Variants in RAB38 observed in about 807,000 individuals in gnomAD.
The protein encoded by RAB38 is RAB38, member RAS oncogene family.
RAB38 carries 15 observed loss-of-function variants against 18.4 expected under a neutral mutation model. The ratio of observed to expected loss-of-function variants is 0.82; its 90% CI spans 0.55 to 1.26. RAB38 has a LOEUF of 1.26. Among genes scored for constraint, RAB38 ranks in the 50% most tolerant of loss-of-function variants. The pLI, the probability that RAB38 is intolerant of heterozygous loss-of-function variation, is 0.00. For synonymous variants in RAB38, 101 were observed against 104.4 expected (o/e 0.97, Z 0.20); for missense variants, 294 against 267.4 (o/e 1.10, Z -0.69).
chr11:87,837,356 A>AT, the RAB38 span, among the ~76,000 whole-genome samples: 1 of 152,282 alleles, frequency 6.6e-6, no homozygotes, highest in African/African-American at 2.4e-5. Context: ...TACCTAATGC[A>AT]TTTTTTTAAA....
the RAB38 span, among the ~76,000 whole-genome samples, chr11:87,878,054 G>A: frequency 6.6e-6 from 1 of 150,650 alleles, no homozygotes; most frequent in East Asian, 2.0e-4. Flanking sequence ...GAGCCAGAGA[G>A]AATTTAAATT....
downstream of RAB38, among the ~76,000 whole-genome samples, chr11:88,108,460 G>GT (rs558872851): frequency 7.6e-4 from 115 of 151,914 alleles, no homozygotes; most frequent in Admixed American, 1.2e-3. Flanking sequence ...GTTTTTGTTT[G>GT]TTTTTTTGTT....
the RAB38 span, among the ~76,000 whole-genome samples, chr11:88,017,079 G>A: frequency 6.6e-6 from 1 of 151,944 alleles, no homozygotes; most frequent in African/African-American, 2.4e-5. Flanking sequence ...GCTTAACTTC[G>A]AATTTGAAGG....
At chr11:88,093,736 C>A in the RAB38 span, among the ~76,000 whole-genome samples, 2 of 151,886 alleles carry the variant, frequency 1.3e-5, no homozygotes, top group African/African-American at 4.8e-5. Context: ...AAAGCACACC[C>A]TTATGATGGC....
At chr11:88,110,548 G>A (rs1242305648), downstream of RAB38, among the ~76,000 whole-genome samples, 1 of 152,092 alleles carries the variant, frequency 6.6e-6, no homozygotes, top group Non-Finnish European at 1.5e-5. Flanking sequence ...GCCAGGCGTG[G>A]TGGCTCACTT....
At chr11:88,094,624 C>A in the RAB38 span, among the ~76,000 whole-genome samples, 1 of 151,776 alleles carries the variant, frequency 6.6e-6, no homozygotes, top group Non-Finnish European at 1.5e-5. Flanking sequence ...TATCCCTTAC[C>A]CCTCTTTCCC....
the RAB38 span, among the ~76,000 whole-genome samples, chr11:88,021,792 T>C: frequency 6.9e-6 from 1 of 144,406 alleles, no homozygotes. Context: ...CTGCTGAGGT[T>C]GCAGCGAGCT....
chr11:88,151,096 G>T (rs553418884), intron 1 of RAB38, among the ~76,000 whole-genome samples: 1 of 152,270 alleles, frequency 6.6e-6, no homozygotes, highest in East Asian at 1.9e-4. Context: ...AATCAATTTT[G>T]CTCTGATGCT....
the RAB38 span, chr11:87,880,207 G>T: frequency 1.3e-5 from 2 of 151,698 alleles, no homozygotes; most frequent in African/African-American, 4.8e-5. Context: ...AATGCCATGT[G>T]TTCACCAAAC....
At chr11:88,169,201 A>C (rs1943279983) in intron 1 of RAB38, among the ~76,000 whole-genome samples, 1 of 152,328 alleles carries the variant, frequency 6.6e-6, no homozygotes, top group East Asian at 1.9e-4. Flanking sequence ...TTCAAGCCTA[A>C]GTAACTGGGG....
the RAB38 span, among the ~76,000 whole-genome samples, chr11:87,936,231 G>T: frequency 6.6e-6 from 1 of 151,782 alleles, no homozygotes; most frequent in African/African-American, 2.4e-5. Context: ...AGACTTACAA[G>T]ATTTTTTCTT....
At chr11:88,139,964 C>T (rs1218244060) in intron 2 of RAB38, among the ~76,000 whole-genome samples, 1 of 152,144 alleles carries the variant, frequency 6.6e-6, no homozygotes, top group Non-Finnish European at 1.5e-5. Context: ...AGCTAAAACT[C>T]AAATGAGAGA....
chr11:88,090,072 G>A, the RAB38 span, among the ~76,000 whole-genome samples: 1 of 151,914 alleles, frequency 6.6e-6, no homozygotes, highest in African/African-American at 2.4e-5. Context: ...CCTTAGGAAT[G>A]GTTTCCTAGA....
the RAB38 span, among the ~76,000 whole-genome samples, chr11:87,963,715 C>T: frequency 5.9e-4 from 89 of 149,674 alleles, 1 homozygote; most frequent in African/African-American, 1.2e-3. Flanking sequence ...GGTATGGTCT[C>T]GGCTCCCTGC....
chr11:87,873,040 C>G, the RAB38 span, among the ~76,000 whole-genome samples: 3 of 151,546 alleles, frequency 2.0e-5, no homozygotes, highest in African/African-American at 7.3e-5. Flanking sequence ...GATTGTCTTC[C>G]ATCATAGTTG....
the RAB38 span, among the ~76,000 whole-genome samples, chr11:87,966,976 C>T: frequency 8.5e-5 from 13 of 152,190 alleles, no homozygotes; most frequent in African/African-American, 3.1e-4. Context: ...TGGAAGCCTG[C>T]CTGGCTTCAG....
the RAB38 span, among the ~76,000 whole-genome samples, chr11:87,861,354 G>T: frequency 2.2e-4 from 33 of 151,972 alleles, no homozygotes; most frequent in Admixed American, 9.2e-4. Flanking sequence ...AGAGCTTTCA[G>T]TGGAAGTTTT....
chr11:87,811,158 G>A, the RAB38 span, among the ~76,000 whole-genome samples: 2 of 152,152 alleles, frequency 1.3e-5, no homozygotes, highest in Admixed American at 6.5e-5. Flanking sequence ...CACACGCAGC[G>A]TGTCTACGAA....
the RAB38 span, among the ~76,000 whole-genome samples, chr11:87,911,379 C>A: frequency 6.6e-6 from 1 of 151,892 alleles, no homozygotes; most frequent in African/African-American, 2.4e-5. Context: ...ACATCTTAAC[C>A]TTTTTGAGTC....
Sources: gnomAD v4.1 joint callset for allele counts (sites outside exome capture counted in the v4.1 genomes callset) on GRCh38, gnomAD v4.1.1 for gene constraint, MANE v1.5 for transcripts, NCBI Gene and HGNC (gene_info 2026-07-23, HGNC 2026-07-21) for gene names.